The following RAB11FIP4 variants were observed in gnomAD, a reference collection of about 807,000 sequenced individuals.
RAB11FIP4 encodes the protein rab11 family-interacting protein 4.
A neutral mutation model predicts 74.3 loss-of-function variants in RAB11FIP4; 23 were observed. The observed-to-expected ratio is 0.31, with a 90% CI of 0.22 to 0.44. RAB11FIP4 has a LOEUF of 0.44. RAB11FIP4 is among the 20% of genes least tolerant of loss of function. The pLI is 1.00. For synonymous variants in RAB11FIP4, 360 were observed against 359.9 expected (o/e 1.00, Z 0.00); for missense variants, 630 against 863.9 (o/e 0.73, Z 3.39).
intron 11 of RAB11FIP4, among the ~76,000 whole-genome samples, chr17:31,528,127 TAGAA>T (rs76175618): frequency 0.14 from 21,343 of 152,250 alleles, 1,572 homozygotes; most frequent in South Asian, 0.22. Context: ...AAATTAGTTT[TAGAA>T]AGAGGTTAGC....
intron 3 of RAB11FIP4, among the ~76,000 whole-genome samples, chr17:31,457,909 C>T (rs529958957): frequency 6.6e-6 from 1 of 152,260 alleles, no homozygotes; most frequent in South Asian, 2.1e-4. Flanking sequence ...CTCTCTCTGT[C>T]CTGAAGTCTG....
At chr17:31,448,412 G>GTTTTTTTTTTTTTTTT (rs2071491257) in intron 3 of RAB11FIP4, 1 of 99,040 alleles carries the variant, frequency 1.0e-5, no homozygotes, top group Non-Finnish European at 2.0e-5. Flanking sequence ...TTTTTTTTTT[G>GTTTTTTTTTTTTTTTT]GCAGAGACCG....
intron 1 of RAB11FIP4, among the ~76,000 whole-genome samples, chr17:31,417,956 T>G (rs2071163897): frequency 6.6e-6 from 1 of 151,780 alleles, no homozygotes; most frequent in Non-Finnish European, 1.5e-5. Context: ...CCAGGTGTAG[T>G]GGTGTATGCC....
At chr17:31,516,975 T>G (rs887941703) in intron 3 of RAB11FIP4, among the ~76,000 whole-genome samples, 3 of 151,830 alleles carry the variant, frequency 2.0e-5, no homozygotes, top group Admixed American at 1.3e-4. Flanking sequence ...CAAAGTGAAG[T>G]TACAAAGTTA....
chr17:31,410,432 G>C (rs2071082644), intron 1 of RAB11FIP4, among the ~76,000 whole-genome samples: 1 of 152,174 alleles, frequency 6.6e-6, no homozygotes, highest in Non-Finnish European at 1.5e-5. Flanking sequence ...GTGCAAGTTG[G>C]GCTGGGTGTG....
At chr17:31,525,402 A>G in intron 10 of RAB11FIP4, 172 bp downstream of exon 10, 2 of 664,614 alleles carry the variant, frequency 3.0e-6, no homozygotes, top group South Asian at 3.9e-5. Flanking sequence ...ACACAGAGGC[A>G]TGCTCTTCAG....
intron 3 of RAB11FIP4, among the ~76,000 whole-genome samples, chr17:31,469,426 C>A (rs2071716955): frequency 6.6e-6 from 1 of 151,886 alleles, no homozygotes; most frequent in Admixed American, 6.6e-5. Flanking sequence ...TTGAGACTAG[C>A]CTGTGCAACA....
In RAB11FIP4 at chr17:31,487,649, G is replaced by C. The variant is rs370520070; in HGVS notation, c.337-30002G>C. Among the ~76,000 whole-genome samples, 37 of 152,298 alleles carry C rather than the reference G, an allele frequency of 2.4e-4. No homozygotes were observed. In the East Asian group the frequency reaches 5.0e-3, roughly 21 times the overall value. ...GCGGCGGCGGACCGTGTGGGGCGGG[G>C]TGCGCAGTGTGAGCCGGGGAGCGCC... On this transcript the variant is annotated intron_variant, in intron 3 of 14. Transcript: ENST00000621161.
In RAB11FIP4 at chr17:31,523,666, A is replaced by T. The variant is rs1054198859; in HGVS notation, c.1029+55A>T. The T allele has an allele frequency of 8.0e-6, 12 of 1,507,604 alleles. No individual in the cohort carries two copies. The Admixed American group carries it at 1.8e-4, about 23-fold the overall frequency. The allele number at this position is 1,507,604 out of a possible 1,614,324, so 93.4% of individuals were successfully genotyped here. A position where few individuals can be genotyped will look rare whatever the true frequency, so the allele number is the denominator to read the frequency against. On this transcript the variant is annotated intron_variant, in intron 8 of 14. Coordinates refer to ENST00000621161, the MANE Select transcript of RAB11FIP4 (RefSeq NM_032932.6). ...GAATGCATGCCTGCTCCCAGGGGAG[A>T]TGGGGTGCACTCAGGCTACTGTCTG...
chr17:31,533,429 G>A lies in RAB11FIP4; in HGVS notation c.*1697G>A, dbSNP rs527700266. ...TAGGAGTTTCTCAGCCCCTTAGGAC[G>A]CGGGTCTCCTTGGGCTCCCCCAAGG... is the stretch of plus-strand genomic sequence containing the variant. On this transcript the variant is annotated 3_prime_UTR_variant, in exon 15 of 15. Coordinates refer to ENST00000621161, the MANE Select transcript of RAB11FIP4 (RefSeq NM_032932.6). 6.6e-6 allele frequency: 1 copy of A among 152,398 alleles called. No individual in the cohort carries two copies. The highest frequency in any genetic ancestry group is 2.4e-5 in the African/African-American group (1 of 41,578). The allele number at this position is 152,398 out of a possible 1,614,324, so 9.4% of individuals were successfully genotyped here. A position where few individuals can be genotyped will look rare whatever the true frequency, so the allele number is the denominator to read the frequency against.
intron 3 of RAB11FIP4, among the ~76,000 whole-genome samples, chr17:31,496,623 G>A (rs1490693267): frequency 6.6e-6 from 1 of 152,174 alleles, no homozygotes; most frequent in Non-Finnish European, 1.5e-5. Flanking sequence ...CTCCCTTTCT[G>A]TAAAGTCTTC....
intron 3 of RAB11FIP4, among the ~76,000 whole-genome samples, chr17:31,498,176 G>A (rs1399978381): frequency 6.6e-6 from 1 of 152,092 alleles, no homozygotes; most frequent in African/African-American, 2.4e-5. Context: ...TCCCTGGGAG[G>A]GAGAGTCTCC....
intron 3 of RAB11FIP4, among the ~76,000 whole-genome samples, chr17:31,476,263 C>T (rs2071792102): frequency 7.3e-6 from 1 of 137,786 alleles, no homozygotes; most frequent in Non-Finnish European, 1.5e-5. Context: ...TGGCTCACTG[C>T]AATGTCTGCC....
chr17:31,411,401 G>A (rs554791615), intron 1 of RAB11FIP4, among the ~76,000 whole-genome samples: 29 of 152,118 alleles, frequency 1.9e-4, no homozygotes, highest in African/African-American at 4.8e-4. Flanking sequence ...AAACAACCTC[G>A]CTTTCCTCTC....
chr17:31,493,860 C>A (rs1340011518), intron 3 of RAB11FIP4, among the ~76,000 whole-genome samples: 1 of 152,170 alleles, frequency 6.6e-6, no homozygotes, highest in Non-Finnish European at 1.5e-5. Context: ...CACATTTGGG[C>A]AGCAGCTTTG....
chr17:31,474,884 A>AC (rs2071776120), intron 3 of RAB11FIP4, among the ~76,000 whole-genome samples: 1 of 151,130 alleles, frequency 6.6e-6, no homozygotes, highest in African/African-American at 2.4e-5. Flanking sequence ...ACAAAAAACA[A>AC]AAAAAAAACA....
chr17:31,522,069 G>T lies in RAB11FIP4; in HGVS notation c.893+20G>T, dbSNP rs755905554. On this transcript the variant is annotated intron_variant, in intron 6 of 14. Transcript: ENST00000621161. ...CAACAGGTGAGGCCCAGGCCCAGCT[G>T]GGGGGTGAGAGGCCGGGGGGCCAGG... is the stretch of plus-strand genomic sequence containing the variant. 16 of 1,612,008 alleles carry T rather than the reference G, an allele frequency of 9.9e-6. 1 individual carries two copies. The highest frequency in any genetic ancestry group is 4.4e-5 in the South Asian group (4 of 91,066).
In RAB11FIP4 at chr17:31,442,633, G is replaced by A. The variant is rs139047072; in HGVS notation, c.336+8511G>A. Among the ~76,000 whole-genome samples, 230 of 152,220 alleles carry A rather than the reference G, an allele frequency of 1.5e-3. 1 individual carries two copies. Among genetic ancestry groups the A allele is most frequent in the African/African-American group, 5.1e-3 (213 of 41,548 alleles). On this transcript the variant is annotated intron_variant, in intron 3 of 14. Coordinates refer to ENST00000621161, the MANE Select transcript of RAB11FIP4 (RefSeq NM_032932.6). ...ACAGAAAAAATTTGCCAACCCAGAC[G>A]GTAAATTCAGGCAAGTGGAAACTGT...
chr17:31,504,650 A>C (rs1487541627), intron 3 of RAB11FIP4, among the ~76,000 whole-genome samples: 1 of 152,178 alleles, frequency 6.6e-6, no homozygotes, highest in Non-Finnish European at 1.5e-5. Context: ...AACTAAGGAC[A>C]TTTTCCTTCA....
Sources: allele counts gnomAD v4.1 joint callset (sites outside exome capture counted in the v4.1 genomes callset), GRCh38; gene constraint gnomAD v4.1.1; transcripts MANE v1.5; gene names NCBI Gene and HGNC (gene_info 2026-07-23, HGNC 2026-07-21).